SEM1: variants seen among roughly 807,000 people sequenced by gnomAD.
The protein encoded by SEM1 is 26S proteasome complex subunit SEM1.
A neutral mutation model predicts 12.7 loss-of-function variants in SEM1; 3 were observed. The observed-to-expected ratio is 0.24, with a 90% CI of 0.11 to 0.61. The LOEUF (loss-of-function observed/expected upper bound fraction) is 0.61. Ranked by LOEUF, SEM1 falls within the 20% of genes least tolerant of loss-of-function variation. The pLI is 0.88. For synonymous variants in SEM1, 30 were observed against 27.8 expected (o/e 1.08, Z -0.25); for missense variants, 59 against 81.3 (o/e 0.73, Z 1.06).
chr7:96,548,236 C>A (rs1805162143), intron 2 of SEM1, among the ~76,000 whole-genome samples: 1 of 152,144 alleles, frequency 6.6e-6, no homozygotes, highest in Non-Finnish European at 1.5e-5. Flanking sequence ...AATCCCAAGT[C>A]TCTTCTGACA....
At chr7:96,616,874 A>G (rs1212626556) in intron 2 of SEM1, among the ~76,000 whole-genome samples, 1 of 151,982 alleles carries the variant, frequency 6.6e-6, no homozygotes, top group African/African-American at 2.4e-5. Context: ...TGTCTTTATT[A>G]CTGGTTCTCT....
intron 2 of SEM1, among the ~76,000 whole-genome samples, chr7:96,648,874 G>A (rs886712143): frequency 6.6e-6 from 1 of 152,216 alleles, no homozygotes; most frequent in Admixed American, 6.5e-5. Flanking sequence ...TGGTGCTGAA[G>A]CATATATCAG....
At chr7:96,595,073 C>G (rs951238931) in intron 2 of SEM1, among the ~76,000 whole-genome samples, 1 of 151,870 alleles carries the variant, frequency 6.6e-6, no homozygotes, top group Non-Finnish European at 1.5e-5. Context: ...GAACATTTCC[C>G]CAAATTTAAC....
intron 2 of SEM1, among the ~76,000 whole-genome samples, chr7:96,559,320 T>C (rs1006004589): frequency 2.0e-5 from 3 of 152,208 alleles, no homozygotes; most frequent in Admixed American, 2.0e-4. Flanking sequence ...CCTCACTCTG[T>C]GGCCCAGGCT....
At chr7:96,581,701 G>T (rs1243715277) in intron 2 of SEM1, among the ~76,000 whole-genome samples, 2 of 152,066 alleles carry the variant, frequency 1.3e-5, no homozygotes, top group African/African-American at 2.4e-5. Flanking sequence ...CTTGTAAGTT[G>T]GATTCCTAGG....
At chr7:96,614,479 A>T (rs1807641128) in intron 2 of SEM1, among the ~76,000 whole-genome samples, 1 of 152,234 alleles carries the variant, frequency 6.6e-6, no homozygotes, top group Non-Finnish European at 1.5e-5. Flanking sequence ...CCATGCACTC[A>T]GGCAGCAAGA....
chr7:96,579,557 G>C (rs1263476384), intron 2 of SEM1, among the ~76,000 whole-genome samples: 4 of 152,144 alleles, frequency 2.6e-5, no homozygotes, highest in African/African-American at 9.7e-5. Flanking sequence ...AGCAATAGAA[G>C]AGATGTTCAG....
At chr7:96,508,465 C>G (rs533099854) in intron 2 of SEM1, among the ~76,000 whole-genome samples, 3 of 152,220 alleles carry the variant, frequency 2.0e-5, no homozygotes, top group Non-Finnish European at 4.4e-5. Flanking sequence ...ATACTCCACT[C>G]ATGTATACAT....
At chr7:96,561,063 T>C (rs13232140) in intron 2 of SEM1, among the ~76,000 whole-genome samples, 134,155 of 152,086 alleles carry the variant, frequency 0.88, 60,271 homozygotes, top group Non-Finnish European at 0.98. Flanking sequence ...ACTTCACGTG[T>C]GTGCCACTGT....
downstream of SEM1, chr7:96,622,548 T>C (rs1807928209): frequency 2.6e-6 from 2 of 757,334 alleles, no homozygotes; most frequent in Non-Finnish European, 4.8e-6. Context: ...TTGGTACCTT[T>C]GCCTTCTTTC....
chr7:96,677,937 T>C (rs554638261), intron 2 of SEM1, among the ~76,000 whole-genome samples: 8 of 152,310 alleles, frequency 5.3e-5, no homozygotes, highest in Admixed American at 1.3e-4. Context: ...TCTACTTAAC[T>C]TGCATTAACA....
rs568542646 is a variant in SEM1 at position 96,504,969 on chromosome 7, T to C, written c.*60+1654A>G. On this transcript the variant is annotated intron_variant and NMD_transcript_variant, in intron 3 of 3. Transcript: ENST00000466986. Reference sequence around the variant, plus strand: ...TGTAGCTTAGTATATTTCTTGCATATGCTTTTCTTCTGACTGTATTTCCCA... The same window carrying C: ...TGTAGCTTAGTATATTTCTTGCATACGCTTTTCTTCTGACTGTATTTCCCA... Among the ~76,000 whole-genome samples the C allele has an allele frequency of 8.5e-5, 13 of 152,132 alleles. 1 individual carries two copies. Among genetic ancestry groups the C allele is most frequent in the African/African-American group, 3.1e-4 (13 of 41,560 alleles).
intron 2 of SEM1, chr7:96,649,484 C>G (rs1028356441): frequency 6.6e-6 from 1 of 152,116 alleles, no homozygotes; most frequent in Non-Finnish European, 1.5e-5. Context: ...CGGTCCAATC[C>G]TTTGGACTTT....
At position 96,682,341 on chromosome 7, in the gene SEM1, T is replaced by C. The variant is rs968332371; in HGVS notation, c.171-8482A>G. Among the ~76,000 whole-genome samples, 6 of 152,186 alleles carry C rather than the reference T, an allele frequency of 3.9e-5. No homozygotes were observed. In the East Asian group the frequency reaches 7.7e-4, roughly 20 times the overall value. On this transcript the variant is annotated intron_variant, in intron 2 of 2. Coordinates refer to the SEM1 transcript ENST00000413065. ...CCATGTCATCTACAAACAGAGACAA[T>C]TTGACTTCCTCTCTTCCTATGTGAA... is the stretch of plus-strand genomic sequence containing the variant.
At chr7:96,696,296 C>CA (rs1035793147) in intron 1 of SEM1, 1 of 151,812 alleles carries the variant, frequency 6.6e-6, no homozygotes, top group Admixed American at 6.6e-5. Flanking sequence ...TTAGGTAGAA[C>CA]ATATAAAAAA....
At chr7:96,600,294 A>C (rs1227339266) in intron 2 of SEM1, among the ~76,000 whole-genome samples, 1 of 152,172 alleles carries the variant, frequency 6.6e-6, no homozygotes, top group East Asian at 1.9e-4. Context: ...TTGGAGAGAA[A>C]TGTTTGAGAA....
intron 2 of SEM1, among the ~76,000 whole-genome samples, chr7:96,537,221 C>T (rs1389138497): frequency 6.6e-6 from 1 of 151,658 alleles, no homozygotes; most frequent in African/African-American, 2.4e-5. Context: ...CCCCTTGTGA[C>T]ATTGTTGTCA....
chr7:96,584,546 G>A (rs376831101), intron 2 of SEM1, among the ~76,000 whole-genome samples: 15 of 152,000 alleles, frequency 9.9e-5, no homozygotes, highest in Admixed American at 3.3e-4. Context: ...TCTCCTGGAT[G>A]ATATCCTGCA....
intron 3 of SEM1, among the ~76,000 whole-genome samples, chr7:96,505,270 T>G (rs912483158): frequency 6.6e-6 from 1 of 151,674 alleles, no homozygotes; most frequent in African/African-American, 2.4e-5. Context: ...CCCAGCTAAT[T>G]TTTTTGTATT....
Sources: gnomAD v4.1 joint callset for allele counts (sites outside exome capture counted in the v4.1 genomes callset) on GRCh38, gnomAD v4.1.1 for gene constraint, MANE v1.5 for transcripts, NCBI Gene and HGNC (gene_info 2026-07-23, HGNC 2026-07-21) for gene names.